B4GALT1: variants seen among roughly 807,000 people sequenced by gnomAD.
B4GALT1 encodes beta-1,4-galactosyltransferase 1.
B4GALT1 carries 16 observed loss-of-function variants against 34.9 expected under a neutral mutation model. The observed-to-expected ratio is 0.46, with a 90% CI of 0.31 to 0.70. The LOEUF (loss-of-function observed/expected upper bound fraction) is 0.70. Among genes scored for constraint, B4GALT1 ranks in the 30% least tolerant of loss-of-function variants. The pLI is 0.05. For synonymous variants in B4GALT1, 221 were observed against 218.1 expected, an observed-to-expected ratio of 1.01 and a Z score of -0.12; for missense variants, 445 against 530.5, an observed-to-expected ratio of 0.84 and a Z score of 1.58.
At chr9:33,165,772 G>T (rs1306491764) in intron 1 of B4GALT1, among the ~76,000 whole-genome samples, 29 of 152,184 alleles carry the variant, frequency 1.9e-4, no homozygotes, top group Admixed American at 1.9e-3. Context: ...TTGGGCCTGT[G>T]GGCCTGTAGG....
At chr9:33,181,444 ACACACACAC>A in the B4GALT1 span, among the ~76,000 whole-genome samples, 5 of 151,224 alleles carry the variant, frequency 3.3e-5, no homozygotes, top group African/African-American at 1.2e-4. Flanking sequence ...ACACACACAC[ACACACACAC>A]ACACACAAAC....
chr9:33,137,099 C>G (rs1055075487), intron 1 of B4GALT1, among the ~76,000 whole-genome samples: 1 of 152,166 alleles, frequency 6.6e-6, no homozygotes, highest in East Asian at 1.9e-4. Flanking sequence ...GATACAGCCC[C>G]GACCATATTA....
In B4GALT1 at chr9:33,135,418, G is replaced by A. The variant is rs1210192953; in HGVS notation, c.419C>T (p.Pro140Leu). 6.2e-7 allele frequency: 1 copy of A among 1,614,026 alleles called. No homozygotes were observed. The highest frequency in any genetic ancestry group is 1.1e-5 in the South Asian group (1 of 91,054). ...CPEESPLLVG[P>L]MLIEFNMPVD... The stretch of plus-strand genomic sequence containing the variant: ...AGGCATGTTAAACTCAATCAGCATG[G>A]GGCCCACTAGAGAGGTGGAGGGAGG... The change falls in exon 2 of 6, where the codon CCC (proline) becomes CTC (leucine). Residue 140 changes from proline (P) to leucine (L), a missense_variant. Around this residue, in one of 3 missense-constraint regions of B4GALT1, gnomAD observed 349 missense variants for 395.5 expected, o/e 0.88. Transcript: ENST00000379731.
chr9:33,108,939 CTAGGAGAATCTTTTGTTCTAATATT>C (rs1191267594), downstream of B4GALT1, among the ~76,000 whole-genome samples: 1 of 58,048 alleles, frequency 1.7e-5, no homozygotes, highest in Non-Finnish European at 5.1e-5. Context: ...AATATTTATG[CTAGGAGAATCTTTTGTTCTAATATT>C]TGGTGCTTGA....
chr9:33,181,016 A>G, the B4GALT1 span, among the ~76,000 whole-genome samples: 5 of 152,226 alleles, frequency 3.3e-5, no homozygotes, highest in African/African-American at 1.2e-4. Flanking sequence ...CCAACAGACT[A>G]TCAAATGCAG....
At chr9:33,113,623 C>T (rs1161056619) in intron 5 of B4GALT1, 37 bp from the exon 6 acceptor site, 1 of 1,613,896 alleles carries the variant, frequency 6.2e-7, no homozygotes, top group Non-Finnish European at 8.5e-7. Flanking sequence ...TGTCTTAAAA[C>T]AAAAATCTTA....
intron 1 of B4GALT1, among the ~76,000 whole-genome samples, chr9:33,139,809 G>A (rs749461199): frequency 1.9e-4 from 29 of 152,272 alleles, no homozygotes; most frequent in South Asian, 2.1e-4. Flanking sequence ...GCCTCAAGCC[G>A]AGCCAAGGCG....
At chr9:33,154,838 T>G (rs1327963944) in intron 1 of B4GALT1, among the ~76,000 whole-genome samples, 2 of 145,052 alleles carry the variant, frequency 1.4e-5, no homozygotes, top group Non-Finnish European at 3.1e-5. Flanking sequence ...AAATATTGAG[T>G]TTTTTTTTTT....
At chr9:33,109,839 C>T (rs1839833857), downstream of B4GALT1, among the ~76,000 whole-genome samples, 1 of 152,182 alleles carries the variant, frequency 6.6e-6, no homozygotes, top group Non-Finnish European at 1.5e-5. Context: ...GAAATCCCTA[C>T]ATATCTAGGG....
At chr9:33,108,152 T>C (rs1839815061), downstream of B4GALT1, among the ~76,000 whole-genome samples, 1 of 152,210 alleles carries the variant, frequency 6.6e-6, no homozygotes, top group African/African-American at 2.4e-5. Flanking sequence ...GCTTCATAAG[T>C]ATGGTATTAA....
chr9:33,116,130 C>T lies in B4GALT1; in HGVS notation c.837-17G>A. The T allele has an allele frequency of 1.1e-5, 18 of 1,611,160 alleles. No homozygotes were observed. The highest frequency in any genetic ancestry group is 1.4e-5 in the Non-Finnish European group (16 of 1,178,188). The stretch of plus-strand genomic sequence containing the variant: ...TAAGGTAGGCTGGAGGAAAAACATA[C>T]ACACAGAAGGAGCAGTGGTTAGTTA... On this transcript the variant is annotated splice_polypyrimidine_tract_variant and intron_variant, in intron 3 of 5. Coordinates refer to ENST00000379731, the MANE Select transcript of B4GALT1 (RefSeq NM_001497.4).
intron 1 of B4GALT1, among the ~76,000 whole-genome samples, chr9:33,136,901 A>G (rs538069266): frequency 6.6e-6 from 1 of 151,834 alleles, no homozygotes; most frequent in East Asian, 1.9e-4. Flanking sequence ...AGCACCCCCT[A>G]CTCCCGGAAT....
chr9:33,182,664 C>A, the B4GALT1 span, among the ~76,000 whole-genome samples: 1 of 152,178 alleles, frequency 6.6e-6, no homozygotes, highest in Non-Finnish European at 1.5e-5. Context: ...GACTAATGTT[C>A]CAAACTTCTC....
At chr9:33,127,535 G>C (rs1285627442) in intron 2 of B4GALT1, among the ~76,000 whole-genome samples, 1 of 152,154 alleles carries the variant, frequency 6.6e-6, no homozygotes, top group Non-Finnish European at 1.5e-5. Context: ...AATCTAGCCT[G>C]GGAAAATGAT....
the B4GALT1 span, among the ~76,000 whole-genome samples, chr9:33,176,767 A>C: frequency 6.6e-6 from 1 of 152,202 alleles, no homozygotes; most frequent in East Asian, 1.9e-4. Context: ...TGATAGGATC[A>C]TTAGAAGCCC....
chr9:33,123,358 A>G (rs961675925), intron 2 of B4GALT1, among the ~76,000 whole-genome samples: 1 of 152,002 alleles, frequency 6.6e-6, no homozygotes, highest in African/African-American at 2.4e-5. Flanking sequence ...TTATTATAAT[A>G]TACTGTGAAT....
At chr9:33,175,676 C>A in the B4GALT1 span, among the ~76,000 whole-genome samples, 2 of 152,272 alleles carry the variant, frequency 1.3e-5, no homozygotes, top group African/African-American at 4.8e-5. Flanking sequence ...ATACACTTAT[C>A]ATTGTGTTAT....
chr9:33,165,766 G>A (rs1234310342), intron 1 of B4GALT1, among the ~76,000 whole-genome samples: 1 of 152,206 alleles, frequency 6.6e-6, no homozygotes, highest in Non-Finnish European at 1.5e-5. Flanking sequence ...GTTGCCTTGG[G>A]CCTGTGGGCC....
At chr9:33,170,756 C>T (rs973144924), upstream of B4GALT1, among the ~76,000 whole-genome samples, 1 of 152,226 alleles carries the variant, frequency 6.6e-6, no homozygotes, top group African/African-American at 2.4e-5. Flanking sequence ...TTTGGGACAA[C>T]ATTGTCCAGC....
Sources: allele counts gnomAD v4.1 joint callset (sites outside exome capture counted in the v4.1 genomes callset), GRCh38; gene constraint gnomAD v4.1.1; regional missense constraint gnomAD v4.1.1; transcripts MANE v1.5; gene names NCBI Gene and HGNC (gene_info 2026-07-23, HGNC 2026-07-21).